PPFIA2: variants seen among roughly 807,000 people sequenced by gnomAD.
PPFIA2 encodes PPFI scaffold protein A2, also known as liprin-alpha-2.
A neutral mutation model predicts 175.5 loss-of-function variants in PPFIA2; 46 were observed. The observed-to-expected ratio is 0.26, with a 90% confidence interval of 0.21 to 0.34. The LOEUF (loss-of-function observed/expected upper bound fraction) is 0.34, where lower values mean the gene tolerates loss of function less well. PPFIA2 is among the 10% of genes least tolerant of loss of function. The pLI, the probability that PPFIA2 is intolerant of heterozygous loss-of-function variation, is 1.00. For synonymous variants in PPFIA2, 568 were observed against 511.4 expected, an observed-to-expected ratio of 1.11 and a Z score of -1.49; for missense variants, 1,179 against 1,506.1, an observed-to-expected ratio of 0.78 and a Z score of 3.60.
At chr12:81,724,109 AT>A (rs1462832970) in intron 3 of PPFIA2, among the ~76,000 whole-genome samples, 1 of 150,870 alleles carries the variant, frequency 6.6e-6, no homozygotes, top group Non-Finnish European at 1.5e-5. Context: ...CTATCTCTAA[AT>A]GTGAATAATC....
At chr12:81,682,997 T>C (rs2103393) in intron 3 of PPFIA2, among the ~76,000 whole-genome samples, 134,786 of 152,088 alleles carry the variant, frequency 0.89, 59,950 homozygotes, top group East Asian at 1. Flanking sequence ...ATAATGCATG[T>C]TGATAAATTT....
intron 31 of PPFIA2, 33 bp downstream of exon 31, chr12:81,263,198 T>C: frequency 6.5e-7 from 1 of 1,548,210 alleles, no homozygotes; most frequent in South Asian, 1.2e-5. Context: ...ACAAGCTTTT[T>C]GCTTGATAAG....
At chr12:81,445,224 G>A (rs1209877355) in intron 6 of PPFIA2, among the ~76,000 whole-genome samples, 1 of 98,030 alleles carries the variant, frequency 1.0e-5, no homozygotes, top group Non-Finnish European at 1.9e-5. Flanking sequence ...GGGGAGGGGG[G>A]AGAGAGAGAG....
At chr12:81,686,387 C>A (rs1040982586) in intron 3 of PPFIA2, among the ~76,000 whole-genome samples, 2 of 152,026 alleles carry the variant, frequency 1.3e-5, no homozygotes, top group African/African-American at 4.8e-5. Context: ...ATCAAAGGCA[C>A]AAGTGTTTCA....
intron 7 of PPFIA2, among the ~76,000 whole-genome samples, chr12:81,422,656 C>G (rs1269806325): frequency 6.6e-6 from 1 of 152,072 alleles, no homozygotes; most frequent in East Asian, 1.9e-4. Context: ...CCTCAGATCT[C>G]ATGAGACTTA....
At chr12:81,463,433 T>G (rs2055019903) in intron 4 of PPFIA2, among the ~76,000 whole-genome samples, 1 of 152,106 alleles carries the variant, frequency 6.6e-6, no homozygotes, top group African/African-American at 2.4e-5. Flanking sequence ...TTCAGACTAT[T>G]TTGTTCACCA....
intron 4 of PPFIA2, among the ~76,000 whole-genome samples, chr12:81,543,212 T>C (rs2066475241): frequency 1.3e-5 from 2 of 152,092 alleles, no homozygotes; most frequent in African/African-American, 4.8e-5. Context: ...TAGCTGATTC[T>C]AGGACTGGGT....
At chr12:81,642,168 T>C (rs1298671711) in intron 4 of PPFIA2, among the ~76,000 whole-genome samples, 4 of 152,058 alleles carry the variant, frequency 2.6e-5, no homozygotes, top group African/African-American at 7.2e-5. Flanking sequence ...ATTTCAATTA[T>C]ATATATTTTA....
intron 31 of PPFIA2, 47 bp downstream of exon 31, chr12:81,263,184 C>CTAAACAAGCTTTTTG: frequency 6.6e-7 from 1 of 1,506,642 alleles, no homozygotes; most frequent in East Asian, 2.3e-5. Context: ...CTAGCTTTGG[C>CTAAACAAGCTTTTTG]TAAACAAGCT....
At chr12:81,669,699 A>C (rs953458152) in intron 4 of PPFIA2, among the ~76,000 whole-genome samples, 1 of 151,948 alleles carries the variant, frequency 6.6e-6, no homozygotes, top group Non-Finnish European at 1.5e-5. Context: ...CCTTACCAGT[A>C]ATAAACTTGT....
chr12:81,281,168 T>C (rs1170264489), intron 27 of PPFIA2, 89 bp downstream of exon 27: 8 of 1,003,212 alleles, frequency 8.0e-6, no homozygotes, highest in Non-Finnish European at 1.1e-5. Flanking sequence ...TTCTGTCTTC[T>C]AGACGTCCAT....
At chr12:81,554,246 T>C (rs1034925886) in intron 4 of PPFIA2, among the ~76,000 whole-genome samples, 2 of 151,966 alleles carry the variant, frequency 1.3e-5, no homozygotes, top group Admixed American at 1.3e-4. Context: ...ATCAGTTGTA[T>C]AGGAGAGATA....
At chr12:81,547,569 T>A (rs1199041594) in intron 4 of PPFIA2, among the ~76,000 whole-genome samples, 1 of 152,156 alleles carries the variant, frequency 6.6e-6, no homozygotes, top group African/African-American at 2.4e-5. Flanking sequence ...GAGACGGGGT[T>A]TCTCCATGTT....
rs965631027 is a variant in PPFIA2, at chr12:81,365,422, T to C, written c.1545+1686A>G. ...ATGCAAAGCATGGCATGATTAGTAC[T>C]CTTGGTTGCTTAGGCAGATTGTTGG... On this transcript the variant is annotated intron_variant, in intron 14 of 32. Transcript: ENST00000549396. Among the ~76,000 whole-genome samples the C allele has an allele frequency of 2.6e-5, 4 of 151,938 alleles. No individual in the cohort carries two copies. In the South Asian group the frequency reaches 8.3e-4, roughly 31 times the overall value.
chr12:81,532,306 T>A (rs773604963), intron 4 of PPFIA2, among the ~76,000 whole-genome samples: 3 of 151,578 alleles, frequency 2.0e-5, no homozygotes, highest in Non-Finnish European at 4.4e-5. Flanking sequence ...TTTGTAGAAA[T>A]AGGAGGATAG....
intron 4 of PPFIA2, among the ~76,000 whole-genome samples, chr12:81,661,732 T>C (rs1393424571): frequency 1.3e-5 from 2 of 152,130 alleles, no homozygotes; most frequent in Non-Finnish European, 2.9e-5. Flanking sequence ...CCACCCCAAA[T>C]AAACAGTTTA....
rs60373881 is a variant in PPFIA2, at chr12:81,529,559, AAG to A, written c.304-71695_304-71694del. Among the ~76,000 whole-genome samples the A allele has an allele frequency of 9.5e-4, 138 of 145,546 alleles. 1 individual carries two copies. Among genetic ancestry groups the A allele is most frequent in the East Asian group, 5.0e-3 (24 of 4,848 alleles). ...CAAAGAGTGGCGGGGGGGCAGTGGA[AAG>A]AGAGAGAGAGAGAGAGAGAGAGATT... On this transcript the variant is annotated intron_variant, in intron 4 of 32. Coordinates refer to ENST00000549396, the MANE Select transcript of PPFIA2 (RefSeq NM_003625.5).
intron 4 of PPFIA2, among the ~76,000 whole-genome samples, chr12:81,565,447 G>A (rs1355656645): frequency 1.3e-5 from 2 of 152,052 alleles, no homozygotes; most frequent in East Asian, 3.9e-4. Context: ...GCCTATTGTG[G>A]GACCTTGTGA....
At chr12:81,735,731 C>T (rs1408758257) in intron 3 of PPFIA2, among the ~76,000 whole-genome samples, 1 of 151,678 alleles carries the variant, frequency 6.6e-6, no homozygotes, top group African/African-American at 2.4e-5. Flanking sequence ...ACATATTGGT[C>T]TATGGGCCAC....
Sources: gnomAD v4.1 joint callset for allele counts (sites outside exome capture counted in the v4.1 genomes callset) on GRCh38, gnomAD v4.1.1 for gene constraint, MANE v1.5 for transcripts, NCBI Gene and HGNC (gene_info 2026-07-23, HGNC 2026-07-21) for gene names.